PSD3: variants seen among roughly 807,000 people sequenced by gnomAD.
PSD3 encodes PH and SEC7 domain-containing protein 3.
A neutral mutation model predicts 105.5 loss-of-function variants in PSD3; 49 were observed. The ratio of observed to expected loss-of-function variants is 0.46; its 90% CI spans 0.37 to 0.59. The LOEUF (loss-of-function observed/expected upper bound fraction) is 0.59. Ranked by LOEUF, PSD3 falls within the 20% of genes least tolerant of loss-of-function variation. The pLI, the probability that PSD3 is intolerant of heterozygous loss-of-function variation, is 0.00. For missense variants in PSD3, 1,561 were observed against 1,263.8 expected (o/e 1.24, Z -3.57); for synonymous variants, 557 against 457.8 (o/e 1.22, Z -2.77).
At chr8:18,839,401 A>T (rs1425898634) in intron 4 of PSD3, among the ~76,000 whole-genome samples, 2 of 152,150 alleles carry the variant, frequency 1.3e-5, no homozygotes, top group Non-Finnish European at 2.9e-5. Flanking sequence ...TTTGCCTTGT[A>T]AAAGATCTAT....
intron 9 of PSD3, among the ~76,000 whole-genome samples, chr8:18,748,216 C>G (rs1175751318): frequency 3.3e-5 from 5 of 152,138 alleles, no homozygotes; most frequent in Admixed American, 3.3e-4. Flanking sequence ...CAGTTACATC[C>G]TTTGTATTTT....
At chr8:19,074,653 C>T (rs529101007) in intron 1 of PSD3, among the ~76,000 whole-genome samples, 3 of 111,266 alleles carry the variant, frequency 2.7e-5, no homozygotes, top group African/African-American at 3.7e-5. Context: ...TGGAGTCTCG[C>T]TCTGTGGCCC....
At chr8:19,011,782 AC>A (rs1217287100) in intron 1 of PSD3, among the ~76,000 whole-genome samples, 4 of 149,228 alleles carry the variant, frequency 2.7e-5, no homozygotes, top group Non-Finnish European at 4.5e-5. Flanking sequence ...AAAAAAAAAA[AC>A]AACAACAACA....
intron 11 of PSD3, among the ~76,000 whole-genome samples, chr8:18,602,272 GCT>G (rs1192561254): frequency 6.6e-6 from 1 of 152,070 alleles, no homozygotes; most frequent in African/African-American, 2.4e-5. Flanking sequence ...ATTTTAAACA[GCT>G]CTTTCTCATT....
intron 10 of PSD3, among the ~76,000 whole-genome samples, chr8:18,644,158 A>G (rs896425960): frequency 1.3e-5 from 2 of 152,356 alleles, no homozygotes; most frequent in African/African-American, 2.4e-5. Flanking sequence ...ATCCATAACA[A>G]TATCTTTGCA....
intron 4 of PSD3, among the ~76,000 whole-genome samples, chr8:18,813,111 T>C (rs1189286701): frequency 6.6e-6 from 1 of 152,108 alleles, no homozygotes; most frequent in East Asian, 1.9e-4. Flanking sequence ...CCGAAAGCTA[T>C]TTAGAAGGTA....
intron 4 of PSD3, among the ~76,000 whole-genome samples, chr8:18,822,457 C>T (rs1812823976): frequency 6.6e-6 from 1 of 152,152 alleles, no homozygotes; most frequent in South Asian, 2.1e-4. Context: ...GACAAACATA[C>T]TCTTAAGAGC....
intron 9 of PSD3, among the ~76,000 whole-genome samples, chr8:18,661,760 G>A (rs184216252): frequency 6.6e-6 from 1 of 152,150 alleles, no homozygotes; most frequent in Non-Finnish European, 1.5e-5. Flanking sequence ...TAGCCTGAAG[G>A]CTTGACCACA....
intron 1 of PSD3, among the ~76,000 whole-genome samples, chr8:19,019,773 A>G (rs759658059): frequency 1.1e-4 from 16 of 152,204 alleles, no homozygotes; most frequent in Non-Finnish European, 1.6e-4. Context: ...AAAATTCACC[A>G]CGGTACTTGC....
At chr8:18,708,907 G>A (rs931170698) in intron 9 of PSD3, among the ~76,000 whole-genome samples, 1 of 152,184 alleles carries the variant, frequency 6.6e-6, no homozygotes, top group African/African-American at 2.4e-5. Flanking sequence ...CTCCAGTCAA[G>A]GGAGGTGGAG....
At chr8:18,630,086 C>T (rs1806784528) in intron 11 of PSD3, among the ~76,000 whole-genome samples, 1 of 151,798 alleles carries the variant, frequency 6.6e-6, no homozygotes, top group Admixed American at 6.6e-5. Flanking sequence ...ATGGGCACGT[C>T]TTAACCCATC....
intron 1 of PSD3, among the ~76,000 whole-genome samples, chr8:18,999,778 T>C (rs1826277622): frequency 6.6e-6 from 1 of 151,458 alleles, no homozygotes; most frequent in Non-Finnish European, 1.5e-5. Flanking sequence ...ATTACCATTA[T>C]CTTTCTAACT....
chr8:18,587,431 A>G lies in PSD3; in HGVS notation c.2482-12146T>C, dbSNP rs555519955. ...CATCATTTGAAACATAATTTTTTTC[A>G]TCATCTTTCTACTGCTTGCTACTCC... is the stretch of plus-strand genomic sequence containing the variant. On this transcript the variant is annotated intron_variant, in intron 12 of 15. Transcript: ENST00000327040. Among the ~76,000 whole-genome samples, 1,167 of 152,082 alleles carry G rather than the reference A, an allele frequency of 7.7e-3. 7 individuals are homozygous for G. The highest frequency in any genetic ancestry group is 0.012 in the Non-Finnish European group (832 of 67,986).
At chr8:18,743,957 TCTC>T (rs143708412) in intron 9 of PSD3, among the ~76,000 whole-genome samples, 24 of 73,942 alleles carry the variant, frequency 3.2e-4, no homozygotes, top group African/African-American at 1.0e-3. Flanking sequence ...AAACTCTGTC[TCTC>T]ACCACCACCA....
At chr8:18,935,436 G>A (rs1250944857) in intron 2 of PSD3, among the ~76,000 whole-genome samples, 1 of 151,768 alleles carries the variant, frequency 6.6e-6, no homozygotes, top group African/African-American at 2.4e-5. Flanking sequence ...AGTGTTTTGT[G>A]GGGCCGAGGC....
chr8:18,900,999 T>C (rs535905162), intron 2 of PSD3, among the ~76,000 whole-genome samples: 2 of 152,318 alleles, frequency 1.3e-5, no homozygotes, highest in South Asian at 2.1e-4. Flanking sequence ...TGCATCTTTA[T>C]GTTTCTTTAC....
At chr8:18,670,479 G>A (rs1451765448) in intron 9 of PSD3, among the ~76,000 whole-genome samples, 1 of 152,148 alleles carries the variant, frequency 6.6e-6, no homozygotes, top group East Asian at 1.9e-4. Context: ...CGAGGCAGGT[G>A]GAATCTGGGT....
chr8:18,727,152 A>G (rs1357358014), intron 9 of PSD3, among the ~76,000 whole-genome samples: 1 of 152,028 alleles, frequency 6.6e-6, no homozygotes, highest in Non-Finnish European at 1.5e-5. Flanking sequence ...CTTGGCCAAC[A>G]TGGTGAAGCC....
chr8:18,673,248 T>C (rs1799887161), intron 9 of PSD3, among the ~76,000 whole-genome samples: 1 of 151,984 alleles, frequency 6.6e-6, no homozygotes, highest in African/African-American at 2.4e-5. Flanking sequence ...TCTCTTTCTT[T>C]CCACTCCCAT....
Sources: allele counts gnomAD v4.1 joint callset (sites outside exome capture counted in the v4.1 genomes callset), GRCh38; gene constraint gnomAD v4.1.1; transcripts MANE v1.5; gene names NCBI Gene and HGNC (gene_info 2026-07-23, HGNC 2026-07-21).